The following GYS1 variants were observed in gnomAD, a reference collection of about 807,000 sequenced individuals.
The protein encoded by GYS1 is glycogen synthase 1.
GYS1 carries 60 observed loss-of-function variants against 89.1 expected under a neutral mutation model. The ratio of observed to expected loss-of-function variants is 0.67; its 90% CI spans 0.55 to 0.84. The LOEUF (loss-of-function observed/expected upper bound fraction) is 0.84. Among genes scored for constraint, GYS1 ranks in the 40% least tolerant of loss-of-function variants. The pLI, the probability that GYS1 is intolerant of heterozygous loss-of-function variation, is 0.00. For synonymous variants in GYS1, 366 were observed against 401.7 expected (o/e 0.91, Z 1.06); for missense variants, 888 against 1,003.1 (o/e 0.89, Z 1.55).
In GYS1 at chr19:48,986,064, C is replaced by A. The variant is rs536127237; in HGVS notation, c.493-29G>T. On this transcript the variant is annotated intron_variant, in intron 3 of 15. Coordinates refer to ENST00000323798, the MANE Select transcript of GYS1 (RefSeq NM_002103.5). The stretch of plus-strand genomic sequence containing the variant: ...TGGGCAACAGGGACAGGGCCACTGT[C>A]TCCACGAGTGTTGGGAAAAGAATCG... 5 of 1,606,980 alleles carry A rather than the reference C, an allele frequency of 3.1e-6. No homozygotes were observed. In the African/African-American group the frequency reaches 6.7e-5, roughly 21 times the overall value.
intron 8 of GYS1, among the ~76,000 whole-genome samples, chr19:48,979,091 G>A (rs2038706263): frequency 6.6e-6 from 1 of 152,128 alleles, no homozygotes; most frequent in South Asian, 2.1e-4. Flanking sequence ...ATGCCAAAAA[G>A]TACACATGGC....
At chr19:48,978,259 C>G in intron 8 of GYS1, 102 bp from the exon 9 acceptor site, 1 of 1,034,200 alleles carries the variant, frequency 9.7e-7, no homozygotes, top group South Asian at 1.3e-5. Context: ...GAGTTTGGCT[C>G]TTGTTGCCCA....
intron 10 of GYS1, among the ~76,000 whole-genome samples, chr19:48,976,087 A>G (rs1219338368): frequency 1.3e-5 from 2 of 152,016 alleles, no homozygotes; most frequent in Non-Finnish European, 2.9e-5. Context: ...ATCATAGCTC[A>G]TTAAAGATTT....
intron 10 of GYS1, among the ~76,000 whole-genome samples, chr19:48,976,156 G>A (rs2038646827): frequency 6.6e-6 from 1 of 151,874 alleles, no homozygotes; most frequent in African/African-American, 2.4e-5. Flanking sequence ...CCAGCATCCC[G>A]ATGGCAGAAA....
At chr19:48,977,203 T>TC (rs2038668402) in intron 10 of GYS1, among the ~76,000 whole-genome samples, 1 of 152,140 alleles carries the variant, frequency 6.6e-6, no homozygotes, top group African/African-American at 2.4e-5. Flanking sequence ...CCTCCTGGTC[T>TC]CAAGTGATCT....
At position 48,969,200 on chromosome 19, in the gene GYS1, C is replaced by A. The variant is rs1215514095; in HGVS notation, c.*88G>T. On this transcript the variant is annotated 3_prime_UTR_variant, in exon 16 of 16. Coordinates refer to ENST00000323798, the MANE Select transcript of GYS1 (RefSeq NM_002103.5). Reference sequence around the variant, plus strand: ...CTGCGGGGCCACACCCAGTGCAGATCTGGAGCGGGGGTTTAGGAGCAGCAC... The same window carrying A: ...CTGCGGGGCCACACCCAGTGCAGATATGGAGCGGGGGTTTAGGAGCAGCAC... The A allele has an allele frequency of 1.6e-6, 2 of 1,242,156 alleles. No homozygotes were observed. The highest frequency in any genetic ancestry group is 2.2e-6 in the Non-Finnish European group (2 of 898,190). 76.9% of individuals were successfully genotyped at this position (1,242,156 alleles called of 1,614,324 possible). A position where few individuals can be genotyped will look rare whatever the true frequency, so the allele number is the denominator to read the frequency against.
chr19:48,984,348 T>C (rs1462606495), intron 5 of GYS1, among the ~76,000 whole-genome samples: 1 of 151,542 alleles, frequency 6.6e-6, no homozygotes, highest in Admixed American at 6.6e-5. Context: ...GAAAGTTACA[T>C]ACATCCACAT....
chr19:48,975,371 G>A (rs2038630164), intron 10 of GYS1, among the ~76,000 whole-genome samples: 2 of 151,676 alleles, frequency 1.3e-5, no homozygotes, highest in African/African-American at 4.8e-5. Context: ...ACCACACCTG[G>A]CCTGGAAATG....
intron 1 of GYS1, 126 bp downstream of exon 1, chr19:48,992,869 G>A: frequency 1.4e-6 from 1 of 718,358 alleles, no homozygotes. Context: ...CCTCCTCAAG[G>A]ACACAGCCTC....
At chr19:48,975,334 G>A (rs562432532) in intron 10 of GYS1, among the ~76,000 whole-genome samples, 43 of 150,514 alleles carry the variant, frequency 2.9e-4, no homozygotes, top group African/African-American at 1.0e-3. Flanking sequence ...TTGGCCTCCC[G>A]AAGTGCTGGG....
chr19:48,990,355 G>T (rs1304095421), intron 2 of GYS1, among the ~76,000 whole-genome samples: 4 of 152,030 alleles, frequency 2.6e-5, no homozygotes, highest in African/African-American at 9.7e-5. Flanking sequence ...TCTGTCCTGT[G>T]GGTCTGTCCA....
chr19:48,991,208 T>C lies in GYS1; in HGVS notation c.300+94A>G. 1 of 1,347,448 alleles carries C rather than the reference T, an allele frequency of 7.4e-7. No individual in the cohort carries two copies. Among genetic ancestry groups the C allele is most frequent in the Non-Finnish European group, 1.1e-6 (1 of 947,400 alleles). 83.5% of individuals were successfully genotyped at this position (1,347,448 alleles called of 1,614,324 possible). A position where few individuals can be genotyped will look rare whatever the true frequency, so the allele number is the denominator to read the frequency against. ...GTCCAAGCCTGCCTCGCTCTCTGGC[T>C]GGGGCTGTCCACCCTGCACCCTCTC... is the stretch of plus-strand genomic sequence containing the variant. On this transcript the variant is annotated intron_variant, in intron 2 of 15. Coordinates refer to ENST00000323798, the MANE Select transcript of GYS1 (RefSeq NM_002103.5). The surrounding 1 kb of genome is among the most constrained non-coding windows in gnomAD (Gnocchi z 4.7).
intron 5 of GYS1, 31 bp from the exon 6 acceptor site, chr19:48,982,868 A>T: frequency 7.5e-7 from 1 of 1,327,496 alleles, no homozygotes; most frequent in Non-Finnish European, 1.1e-6. Flanking sequence ...CCCATGTTTT[A>T]TTTGTTCATT....
rs987662702 is a variant in GYS1, at chr19:48,968,814, G to A, written c.*474C>T. The A allele has an allele frequency of 4.6e-5, 21 of 456,230 alleles. No homozygotes were observed. Among genetic ancestry groups the A allele is most frequent in the Non-Finnish European group, 8.3e-5 (19 of 228,472 alleles). The allele number at this position is 456,230 out of a possible 1,614,324, so 28.3% of individuals were successfully genotyped here. ...TACCTTCAAACTCTGAAAGTGCCCC[G>A]GCTCTGGACTTGATCGCCCCATTCG... On this transcript the variant is annotated 3_prime_UTR_variant, in exon 16 of 16. Transcript: ENST00000323798.
chr19:48,989,622 G>A (rs867634807), intron 2 of GYS1, among the ~76,000 whole-genome samples: 136 of 151,858 alleles, frequency 9.0e-4, no homozygotes, highest in African/African-American at 3.2e-3. Context: ...ACAGAGTTTC[G>A]CCATGTTGCC....
At chr19:48,979,916 G>C (rs2038730832) in intron 8 of GYS1, among the ~76,000 whole-genome samples, 1 of 151,796 alleles carries the variant, frequency 6.6e-6, no homozygotes, top group Non-Finnish European at 1.5e-5. Context: ...CAAAGTGCCG[G>C]GATTACAGGT....
rs2038930174 is a variant in GYS1 at position 48,991,613 on chromosome 19, G to A, written c.119-130C>T. ...CTAGCTCAGGGGGAAGAGGGGACTG[G>A]GAGCCCATAGTTTGGAGTAGGGGTT... On this transcript the variant is annotated intron_variant, in intron 1 of 15. Coordinates refer to ENST00000323798, the MANE Select transcript of GYS1 (RefSeq NM_002103.5). This position sits in a 1 kb window ranked among gnomAD's most constrained non-coding sequence, Gnocchi z 4.7. 8.2e-6 allele frequency: 8 copies of A among 971,408 alleles called. No homozygotes were observed. Among genetic ancestry groups the A allele is most frequent in the Non-Finnish European group, 1.3e-5 (8 of 634,586 alleles). The allele number at this position is 971,408 out of a possible 1,614,324, so 60.2% of individuals were successfully genotyped here.
At chr19:48,977,901 C>T in intron 10 of GYS1, 23 bp downstream of exon 10, 1 of 1,592,180 alleles carries the variant, frequency 6.3e-7, no homozygotes, top group African/African-American at 1.3e-5. Context: ...TGCTATCTCT[C>T]TGCACAGAGG....
At position 48,987,284 on chromosome 19, in the gene GYS1, C is replaced by A; in HGVS notation, c.402G>T (p.Trp134Cys). 2 of 1,612,858 alleles carry A rather than the reference C, an allele frequency of 1.2e-6. No homozygotes were observed. The highest frequency in any genetic ancestry group is 8.5e-7 in the Non-Finnish European group (1 of 1,179,512). The change falls in exon 3 of 16, where the codon TGG (tryptophan) becomes TGT (cysteine). Residue 134 changes from tryptophan to cysteine, a missense_variant. Physicochemically the swap from Trp to Cys is radical, Grantham distance 215 (BLOSUM62 -2). Transcript: ENST00000323798. ...WALERWKGEL[W>C]DTCNIGVPWY... ...ACGGCACTCCGATGTTGCAGGTATC[C>A]CAGAGCTCTCCCTTCCAGCGCTCCA...
Sources: allele counts gnomAD v4.1 joint callset (sites outside exome capture counted in the v4.1 genomes callset), GRCh38; gene constraint gnomAD v4.1.1; non-coding constraint Gnocchi (gnomAD v3.1); transcripts MANE v1.5; gene names NCBI Gene and HGNC (gene_info 2026-07-23, HGNC 2026-07-21).